The following EFNA5 variants were observed in gnomAD, a reference collection of about 807,000 sequenced individuals.
EFNA5 encodes ephrin A5, also known as ephrin-A5.
Under a neutral mutation model 22.9 loss-of-function variants are expected in EFNA5, and 5 were observed. The ratio of observed to expected loss-of-function variants is 0.22; its 90% confidence interval spans 0.11 to 0.46. The LOEUF is 0.46. EFNA5 is among the 20% of genes least tolerant of loss of function. EFNA5 has a pLI of 0.99. For synonymous variants in EFNA5, 113 were observed against 112.2 expected, an observed-to-expected ratio of 1.01 and a Z score of -0.04; for missense variants, 237 against 293.3, an observed-to-expected ratio of 0.81 and a Z score of 1.40.
chr5:107,526,513 T>C (rs778477740), intron 1 of EFNA5, among the ~76,000 whole-genome samples: 21 of 152,260 alleles, frequency 1.4e-4, no homozygotes, highest in African/African-American at 1.9e-4. Context: ...GTGACTCTGC[T>C]GTATTTCATA....
At chr5:107,466,796 G>C (rs1044502029) in intron 1 of EFNA5, among the ~76,000 whole-genome samples, 25 of 152,150 alleles carry the variant, frequency 1.6e-4, no homozygotes, top group African/African-American at 6.0e-4. Flanking sequence ...TCAGGAAAGG[G>C]CTCCAGAAGC....
At chr5:107,568,244 C>A (rs1261874939) in intron 1 of EFNA5, among the ~76,000 whole-genome samples, 1 of 152,090 alleles carries the variant, frequency 6.6e-6, no homozygotes, top group Non-Finnish European at 1.5e-5. Context: ...TGCATATACA[C>A]ATATATACCC....
At position 107,450,038 on chromosome 5, in the gene EFNA5, G is replaced by C. The variant is rs940858855; in HGVS notation, c.126-22529C>G. Among the ~76,000 whole-genome samples the C allele has an allele frequency of 1.8e-4, 28 of 152,140 alleles. 1 individual carries two copies. Among genetic ancestry groups the C allele is most frequent in the Admixed American group, 1.8e-3 (27 of 15,264 alleles). On this transcript the variant is annotated intron_variant, in intron 1 of 4. Coordinates refer to ENST00000333274, the MANE Select transcript of EFNA5 (RefSeq NM_001962.3). Reference sequence around the variant, plus strand: ...CAGATAGACTTGCACATCTCAAAGGGGAAGCAAATCATCTCCTTGCAAACG... The same window carrying C: ...CAGATAGACTTGCACATCTCAAAGGCGAAGCAAATCATCTCCTTGCAAACG...
At chr5:107,456,473 A>G (rs1439844926) in intron 1 of EFNA5, among the ~76,000 whole-genome samples, 1 of 152,160 alleles carries the variant, frequency 6.6e-6, no homozygotes, top group African/African-American at 2.4e-5. Flanking sequence ...CTTTCCATCT[A>G]TCTAGGTAAA....
chr5:107,605,156 G>C (rs538154761), intron 1 of EFNA5, among the ~76,000 whole-genome samples: 2 of 151,828 alleles, frequency 1.3e-5, no homozygotes, highest in African/African-American at 4.8e-5. Flanking sequence ...TGGGGATGGG[G>C]GGGGAAGCAG....
intron 1 of EFNA5, among the ~76,000 whole-genome samples, chr5:107,659,358 G>A (rs892084461): frequency 6.6e-6 from 1 of 152,076 alleles, no homozygotes; most frequent in Non-Finnish European, 1.5e-5. Context: ...ATTCTATGTG[G>A]TACCAGAGAA....
Position 107,387,266 on chromosome 5 carries a change from G to A in EFNA5, c.534C>T (p.Asn178=), listed in dbSNP as rs1443651789. ...GTTCTAATGAATTTTCTACTTTGTC[G>A]TTAACATCGAAAACACGATCATGAA... is the stretch of plus-strand genomic sequence containing the variant. The part of the protein sequence containing the change: ...IGVHDRVFDV[N]DKVENSLEPA... The change falls in exon 4 of 5, where the codon AAC becomes AAT. Residue 178 remains asparagine, a synonymous_variant. Coordinates refer to ENST00000333274, the MANE Select transcript of EFNA5 (RefSeq NM_001962.3). 12 of 1,603,970 alleles carry A rather than the reference G, an allele frequency of 7.5e-6. No individual in the cohort carries two copies. The highest frequency in any genetic ancestry group is 1.3e-5 in the African/African-American group (1 of 74,726).
At chr5:107,654,091 G>A (rs1198402288) in intron 1 of EFNA5, among the ~76,000 whole-genome samples, 1 of 152,052 alleles carries the variant, frequency 6.6e-6, no homozygotes, top group Non-Finnish European at 1.5e-5. Flanking sequence ...AGATTGGAAA[G>A]GTTAATCTAT....
At chr5:107,637,406 T>C (rs1372144960) in intron 1 of EFNA5, among the ~76,000 whole-genome samples, 2 of 152,010 alleles carry the variant, frequency 1.3e-5, no homozygotes, top group Admixed American at 6.6e-5. Flanking sequence ...CCTCAATTCA[T>C]TGGAGAATGC....
At chr5:107,577,322 C>T (rs572419316) in intron 1 of EFNA5, among the ~76,000 whole-genome samples, 1 of 152,060 alleles carries the variant, frequency 6.6e-6, no homozygotes, top group Middle Eastern at 3.4e-3. Context: ...GTCAGTTTCT[C>T]GGTTGGGCTG....
chr5:107,496,403 G>GATCA (rs1375576178), intron 1 of EFNA5, among the ~76,000 whole-genome samples: 6 of 146,528 alleles, frequency 4.1e-5, no homozygotes, highest in Non-Finnish European at 8.9e-5. Flanking sequence ...CTACAGACAA[G>GATCA]ATCAGAGAGT....
At chr5:107,514,354 A>G (rs1431939960) in intron 1 of EFNA5, among the ~76,000 whole-genome samples, 2 of 152,238 alleles carry the variant, frequency 1.3e-5, no homozygotes, top group African/African-American at 4.8e-5. Flanking sequence ...ACAATCAGAA[A>G]GAAAGCATTT....
intron 1 of EFNA5, among the ~76,000 whole-genome samples, chr5:107,572,291 G>T (rs1748830921): frequency 6.6e-6 from 1 of 152,132 alleles, no homozygotes; most frequent in Non-Finnish European, 1.5e-5. Flanking sequence ...AGGAGCTCTG[G>T]CAGAGCGAGT....
intron 1 of EFNA5, among the ~76,000 whole-genome samples, chr5:107,648,226 T>C (rs1750664309): frequency 6.6e-6 from 1 of 152,200 alleles, no homozygotes; most frequent in African/African-American, 2.4e-5. Flanking sequence ...TAAAGTTTAC[T>C]ATGACATTAT....
chr5:107,505,834 C>A (rs891286180), intron 1 of EFNA5, among the ~76,000 whole-genome samples: 3 of 151,778 alleles, frequency 2.0e-5, no homozygotes, highest in African/African-American at 7.3e-5. Flanking sequence ...TTTTCTCTCC[C>A]CCCCACCTTC....
intron 1 of EFNA5, among the ~76,000 whole-genome samples, chr5:107,660,285 T>TATATATATATAA (rs1750922277): frequency 6.1e-5 from 6 of 98,322 alleles, no homozygotes; most frequent in African/African-American, 8.6e-5. Context: ...TATATATATA[T>TATATATATATAA]ATATATATAT....
intron 1 of EFNA5, among the ~76,000 whole-genome samples, chr5:107,660,674 T>G (rs1251057843): frequency 6.6e-6 from 1 of 152,168 alleles, no homozygotes; most frequent in Non-Finnish European, 1.5e-5. Context: ...TGCTACATTC[T>G]CTGATGTTTA....
intron 1 of EFNA5, among the ~76,000 whole-genome samples, chr5:107,670,166 A>C (rs974442492): frequency 4.0e-5 from 6 of 151,780 alleles, no homozygotes; most frequent in Admixed American, 3.9e-4. Flanking sequence ...ACCGGATGCC[A>C]GCCAGATGCC....
intron 1 of EFNA5, among the ~76,000 whole-genome samples, chr5:107,655,394 G>A (rs191032685): frequency 2.6e-5 from 4 of 152,214 alleles, no homozygotes; most frequent in African/African-American, 4.8e-5. Context: ...TGAGCACAGC[G>A]ATTGTAAATA....
Sources: allele counts gnomAD v4.1 joint callset (sites outside exome capture counted in the v4.1 genomes callset), GRCh38; gene constraint gnomAD v4.1.1; transcripts MANE v1.5; gene names NCBI Gene and HGNC (gene_info 2026-07-23, HGNC 2026-07-21).